The following ARMC3 variants were observed in gnomAD, a reference collection of about 807,000 sequenced individuals.
ARMC3 encodes the protein armadillo repeat-containing protein 3.
ARMC3 carries 74 observed loss-of-function variants against 90.3 expected under a neutral mutation model. The ratio of observed to expected loss-of-function variants is 0.82; its 90% CI spans 0.68 to 0.99. The LOEUF (loss-of-function observed/expected upper bound fraction) is 0.99, where lower values mean the gene tolerates loss of function less well. ARMC3 is among the 50% of genes least tolerant of loss of function. The probability of loss-of-function intolerance (pLI) is 0.00; values close to 1 mark genes in which losing one functional copy is unlikely to be tolerated. For synonymous variants in ARMC3, 334 were observed against 361.8 expected (o/e 0.92, Z 0.87); for missense variants, 958 against 1,042.8 (o/e 0.92, Z 1.12).
At chr10:22,929,452 T>C (rs1833848257) in intron 1 of ARMC3, among the ~76,000 whole-genome samples, 1 of 152,250 alleles carries the variant, frequency 6.6e-6, no homozygotes, top group South Asian at 2.1e-4. Context: ...ATTACCCTTG[T>C]AAGGATCATC....
At chr10:23,009,087 T>C (rs1837791777) in intron 16 of ARMC3, among the ~76,000 whole-genome samples, 156 bp downstream of exon 16, 1 of 152,194 alleles carries the variant, frequency 6.6e-6, no homozygotes, top group South Asian at 2.1e-4. Flanking sequence ...TCTCTTACCA[T>C]CTCTTTAAAA....
chr10:22,962,589 C>A (rs983638361), intron 7 of ARMC3, among the ~76,000 whole-genome samples: 4 of 152,142 alleles, frequency 2.6e-5, no homozygotes, highest in Non-Finnish European at 5.9e-5. Flanking sequence ...CTGTGTCTTT[C>A]GCCACTAATT....
chr10:22,998,570 G>A (rs1333813337), intron 11 of ARMC3, among the ~76,000 whole-genome samples, 173 bp downstream of exon 11: 1 of 152,222 alleles, frequency 6.6e-6, no homozygotes, highest in East Asian at 1.9e-4. Context: ...AATTAGCAAA[G>A]AAGGTGAGCA....
At chr10:23,036,246 T>G (rs1203088250) in intron 18 of ARMC3, among the ~76,000 whole-genome samples, 1 of 152,194 alleles carries the variant, frequency 6.6e-6, no homozygotes, top group Non-Finnish European at 1.5e-5. Context: ...GTGTTATAGT[T>G]GATTCTTTAC....
At chr10:22,931,357 C>T (rs1200317538) in intron 1 of ARMC3, among the ~76,000 whole-genome samples, 1 of 152,162 alleles carries the variant, frequency 6.6e-6, no homozygotes, top group East Asian at 1.9e-4. Context: ...ACCTCAGTTT[C>T]CCCAGAATAT....
intron 3 of ARMC3, among the ~76,000 whole-genome samples, chr10:22,947,581 T>G (rs1293699232): frequency 2.6e-5 from 4 of 152,194 alleles, no homozygotes; most frequent in African/African-American, 9.6e-5. Flanking sequence ...GGAGGCATAA[T>G]GAGTAATGAC....
chr10:22,946,430 G>T, intron 3 of ARMC3, 169 bp downstream of exon 3: 1 of 462,318 alleles, frequency 2.2e-6, no homozygotes, highest in Non-Finnish European at 3.8e-6. Flanking sequence ...CTCTTCCTGA[G>T]TTCCTAGCTT....
intron 8 of ARMC3, 117 bp downstream of exon 8, chr10:22,968,606 A>G: frequency 1.1e-6 from 1 of 890,042 alleles, no homozygotes; most frequent in Non-Finnish European, 1.6e-6. Flanking sequence ...GTTACAAGTG[A>G]TTCTCCCACC....
chr10:23,032,794 T>C, intron 17 of ARMC3, 67 bp from the exon 18 acceptor site: 2 of 1,461,734 alleles, frequency 1.4e-6, no homozygotes. Flanking sequence ...TTACATGTAA[T>C]TACACTCAAA....
intron 16 of ARMC3, among the ~76,000 whole-genome samples, chr10:23,016,506 A>C (rs1838278117): frequency 6.6e-6 from 1 of 152,222 alleles, no homozygotes; most frequent in South Asian, 2.1e-4. Flanking sequence ...AAGTTTCTGC[A>C]GGAGAGGTAA....
In ARMC3 at chr10:22,959,146, T is replaced by G. The variant is rs1309107590; in HGVS notation, c.361+8T>G. The G allele has an allele frequency of 5.6e-6, 9 of 1,607,978 alleles. No homozygotes were observed. The highest frequency in any genetic ancestry group is 2.2e-5 in the East Asian group (1 of 44,862). On this transcript the variant is annotated splice_region_variant and intron_variant, in intron 5 of 18. Coordinates refer to ENST00000298032, the MANE Select transcript of ARMC3 (RefSeq NM_173081.5). ...CCCAGCTCGCTCCAGAAGGTAACTTTGCATTCTATATCTGTTTTAAAAAAT... is the reference window on the plus strand; with the variant it reads ...CCCAGCTCGCTCCAGAAGGTAACTTGGCATTCTATATCTGTTTTAAAAAAT...
intron 16 of ARMC3, among the ~76,000 whole-genome samples, chr10:23,026,406 T>C (rs1158050500): frequency 6.6e-6 from 1 of 152,074 alleles, no homozygotes; most frequent in African/African-American, 2.4e-5. Context: ...CTTGAGGGCT[T>C]TATCCTAGGA....
At chr10:23,006,754 T>C (rs1361486005) in intron 13 of ARMC3, 130 bp from the exon 14 acceptor site, 3 of 726,396 alleles carry the variant, frequency 4.1e-6, no homozygotes, top group Non-Finnish European at 7.2e-6. Context: ...TATATGTATA[T>C]TGTACATGTG....
intron 7 of ARMC3, among the ~76,000 whole-genome samples, chr10:22,965,821 T>C (rs1354323192): frequency 1.3e-5 from 2 of 152,334 alleles, no homozygotes; most frequent in East Asian, 3.9e-4. Flanking sequence ...TTCTAGTTTT[T>C]GTACTTTTCA....
intron 10 of ARMC3, among the ~76,000 whole-genome samples, chr10:22,988,099 G>A (rs951255334): frequency 2.6e-5 from 4 of 152,134 alleles, no homozygotes; most frequent in African/African-American, 7.2e-5. Flanking sequence ...GAATGTCCTC[G>A]TTATATATGG....
rs755739855 is a variant in ARMC3, at chr10:23,001,998, G to A, written c.1505G>A (p.Trp502Ter). 1.2e-6 allele frequency: 2 copies of A among 1,613,802 alleles called. No homozygotes were observed. Among genetic ancestry groups the A allele is most frequent in the Non-Finnish European group, 1.7e-6 (2 of 1,179,836 alleles). The change falls in exon 12 of 19, where the codon TGG (tryptophan) becomes TAG (stop). Residue 502 changes from tryptophan to a stop codon, truncating the protein, a stop_gained. Transcript: ENST00000298032. LOFTEE classifies it high-confidence loss of function. ...GATGAAGTGAGGAAGCACGCCAGTT[G>A]GGCAGTGATGGTCTGTGCTGGTGAC... ...KNDEVRKHAS[W>*]AVMVCAGDEL...
At chr10:22,959,345 G>C in intron 5 of ARMC3, 54 bp from the exon 6 acceptor site, 1 of 1,508,590 alleles carries the variant, frequency 6.6e-7, no homozygotes, top group Non-Finnish European at 9.0e-7. Flanking sequence ...TTTTAAAGTA[G>C]TGGCTGAATA....
At chr10:22,976,759 C>G (rs1323021346) in intron 8 of ARMC3, among the ~76,000 whole-genome samples, 2 of 152,224 alleles carry the variant, frequency 1.3e-5, no homozygotes, top group Non-Finnish European at 2.9e-5. Context: ...GCACATCCAA[C>G]TATACTGCCC....
chr10:23,001,587 G>A (rs1837293023), intron 11 of ARMC3, among the ~76,000 whole-genome samples: 1 of 152,144 alleles, frequency 6.6e-6, no homozygotes, highest in East Asian at 1.9e-4. Context: ...TGAGCTGAAT[G>A]AATAGTCAGT....
Sources: allele counts gnomAD v4.1 joint callset (sites outside exome capture counted in the v4.1 genomes callset), GRCh38; gene constraint gnomAD v4.1.1; transcripts MANE v1.5; gene names NCBI Gene and HGNC (gene_info 2026-07-23, HGNC 2026-07-21).